The following KIF26B variants were observed in gnomAD, a reference collection of about 807,000 sequenced individuals.
KIF26B encodes the protein kinesin family member 26B, also known as kinesin-like protein KIF26B.
In KIF26B, 63 loss-of-function variants were observed where a neutral mutation model predicts 151.2. The observed-to-expected ratio is 0.42, with a 90% CI of 0.34 to 0.51. The LOEUF is 0.51. Among genes scored for constraint, KIF26B ranks in the 20% least tolerant of loss-of-function variants. The pLI, the probability that KIF26B is intolerant of heterozygous loss-of-function variation, is 0.07. For synonymous variants in KIF26B, 1,357 were observed against 1,262.1 expected (o/e 1.08, Z -1.59); for missense variants, 2,813 against 2,913.6 (o/e 0.97, Z 0.79).
At chr1:245,661,397 G>A (rs905595453) in intron 10 of KIF26B, among the ~76,000 whole-genome samples, 3 of 151,986 alleles carry the variant, frequency 2.0e-5, no homozygotes, top group Non-Finnish European at 4.4e-5. Context: ...AAAGGCAGGT[G>A]CAGCACAGCC....
chr1:245,300,775 C>T (rs192023726), intron 2 of KIF26B, among the ~76,000 whole-genome samples: 37 of 151,204 alleles, frequency 2.4e-4, no homozygotes, highest in African/African-American at 6.1e-4. Context: ...GTGATCCACC[C>T]GCCTCGGCTT....
intron 4 of KIF26B, among the ~76,000 whole-genome samples, chr1:245,445,531 G>C (rs1265409441): frequency 1.3e-5 from 2 of 152,206 alleles, no homozygotes; most frequent in East Asian, 1.9e-4. Flanking sequence ...GGATACACAT[G>C]GAATAAGATT....
intron 2 of KIF26B, among the ~76,000 whole-genome samples, chr1:245,158,907 A>G (rs148786544): frequency 1.6e-3 from 249 of 152,084 alleles, no homozygotes; most frequent in Middle Eastern, 6.8e-3. Flanking sequence ...GCATTTAGGT[A>G]CAATTTCCAT....
At chr1:245,312,118 G>A (rs146091274) in intron 2 of KIF26B, among the ~76,000 whole-genome samples, 1 of 152,072 alleles carries the variant, frequency 6.6e-6, no homozygotes, top group Admixed American at 6.6e-5. Flanking sequence ...GGCTATCTGG[G>A]AATAATGGGC....
chr1:245,671,796 C>G (rs10802243), intron 10 of KIF26B, among the ~76,000 whole-genome samples: 81,559 of 152,060 alleles, frequency 0.54, 22,565 homozygotes, highest in East Asian at 0.81. Context: ...GGACATGAAA[C>G]AATTTCCATA....
At chr1:245,582,604 T>C (rs2043186431) in intron 5 of KIF26B, among the ~76,000 whole-genome samples, 1 of 152,188 alleles carries the variant, frequency 6.6e-6, no homozygotes, top group Admixed American at 6.5e-5. Flanking sequence ...ACAATTTATA[T>C]GCAATAGGCT....
chr1:245,246,071 G>T (rs1022564742), intron 2 of KIF26B, among the ~76,000 whole-genome samples: 1 of 148,246 alleles, frequency 6.7e-6, no homozygotes, highest in Non-Finnish European at 1.5e-5. Context: ...CAGCCTGGGC[G>T]ACAGAGCGAG....
chr1:245,670,664 T>C (rs2044275951), intron 10 of KIF26B, among the ~76,000 whole-genome samples: 1 of 152,158 alleles, frequency 6.6e-6, no homozygotes, highest in Non-Finnish European at 1.5e-5. Context: ...AAATGTGGTA[T>C]GTAAATATAA....
intron 4 of KIF26B, among the ~76,000 whole-genome samples, chr1:245,483,340 C>T (rs1446238892): frequency 1.3e-5 from 2 of 151,808 alleles, no homozygotes; most frequent in East Asian, 1.9e-4. Context: ...GAAAACAAAG[C>T]TTAGAGAGGT....
chr1:245,646,319 G>A (rs1440673762), intron 10 of KIF26B, 39 bp downstream of exon 10: 4 of 1,604,220 alleles, frequency 2.5e-6, no homozygotes, highest in African/African-American at 1.3e-5. Flanking sequence ...GGTGGGGTAA[G>A]CATGGTGTGG....
At chr1:245,592,271 G>T (rs1302124912) in intron 5 of KIF26B, among the ~76,000 whole-genome samples, 1 of 152,192 alleles carries the variant, frequency 6.6e-6, no homozygotes, top group African/African-American at 2.4e-5. Context: ...CGCCCAGGGT[G>T]CAGGCGCAGG....
chr1:245,644,740 C>T (rs536662448), intron 9 of KIF26B, among the ~76,000 whole-genome samples: 8 of 152,296 alleles, frequency 5.3e-5, no homozygotes, highest in African/African-American at 1.9e-4. Context: ...TGTGTGAGTG[C>T]TGTGCACCAT....
In KIF26B at chr1:245,218,507, G is replaced by T. The variant is rs1355398710; in HGVS notation, c.465+61824G>T. 2.0e-5 allele frequency among the ~76,000 whole-genome samples: 3 copies of T among 152,170 alleles called. No homozygotes were observed. In the South Asian group the frequency reaches 6.2e-4, roughly 32 times the overall value. ...GCAGGAGGGTATTGGGTGTGGGGCCGATGGTTTTCACTCAATCCGCCGGGA... is the reference window on the plus strand; with the variant it reads ...GCAGGAGGGTATTGGGTGTGGGGCCTATGGTTTTCACTCAATCCGCCGGGA... On this transcript the variant is annotated intron_variant, in intron 2 of 14. Transcript: ENST00000407071. The surrounding 1 kb of genome is among the most constrained non-coding windows in gnomAD (Gnocchi z 4.1).
At chr1:245,473,520 T>G (rs976379629) in intron 4 of KIF26B, among the ~76,000 whole-genome samples, 23 of 152,000 alleles carry the variant, frequency 1.5e-4, no homozygotes, top group African/African-American at 5.1e-4. Context: ...ACTGCCTTTC[T>G]CTTTCACTCA....
chr1:245,301,209 C>A (rs1433659112), intron 2 of KIF26B, among the ~76,000 whole-genome samples: 2 of 152,218 alleles, frequency 1.3e-5, no homozygotes, highest in Non-Finnish European at 2.9e-5. Flanking sequence ...GGGCCACTTT[C>A]TTCTCCCGCC....
intron 4 of KIF26B, among the ~76,000 whole-genome samples, chr1:245,452,352 T>C (rs1659415426): frequency 6.6e-6 from 1 of 152,238 alleles, no homozygotes; most frequent in Non-Finnish European, 1.5e-5. Context: ...TCATAGACAC[T>C]TGGACTGTTT....
intron 2 of KIF26B, among the ~76,000 whole-genome samples, chr1:245,172,944 C>A (rs531057896): frequency 6.6e-6 from 1 of 152,184 alleles, no homozygotes. Context: ...TATAGCAGTA[C>A]GATAGCCATG....
At chr1:245,320,674 G>T (rs1000583400) in intron 2 of KIF26B, among the ~76,000 whole-genome samples, 2 of 152,054 alleles carry the variant, frequency 1.3e-5, no homozygotes, top group African/African-American at 4.8e-5. Flanking sequence ...TTTTTGTTTT[G>T]TTTTATTTAT....
chr1:245,248,279 G>T (rs1670373904), intron 2 of KIF26B, among the ~76,000 whole-genome samples: 1 of 152,198 alleles, frequency 6.6e-6, no homozygotes, highest in Non-Finnish European at 1.5e-5. Flanking sequence ...GCAGGGAGCT[G>T]CCGTCAGAGG....
Sources: gnomAD v4.1 joint callset for allele counts (sites outside exome capture counted in the v4.1 genomes callset) on GRCh38, gnomAD v4.1.1 for gene constraint, Gnocchi (gnomAD v3.1) non-coding constraint, MANE v1.5 for transcripts, NCBI Gene and HGNC (gene_info 2026-07-23, HGNC 2026-07-21) for gene names.